TENM4: variants seen among roughly 807,000 people sequenced by gnomAD.
TENM4 encodes the protein teneurin transmembrane protein 4.
In TENM4, 82 loss-of-function variants were observed where a neutral mutation model predicts 243.3. The ratio of observed to expected loss-of-function variants is 0.34; its 90% CI spans 0.28 to 0.40. The LOEUF is 0.40. TENM4 is among the 10% of genes least tolerant of loss of function. The pLI, the probability that TENM4 is intolerant of heterozygous loss-of-function variation, is 1.00. For synonymous variants in TENM4, 1,412 were observed against 1,456.3 expected (o/e 0.97, Z 0.69); for missense variants, 3,138 against 3,673.3 (o/e 0.85, Z 3.77).
chr11:78,873,924 T>A (rs1431664676), intron 9 of TENM4, among the ~76,000 whole-genome samples: 1 of 151,990 alleles, frequency 6.6e-6, no homozygotes, highest in Non-Finnish European at 1.5e-5. Flanking sequence ...CACCACCTTC[T>A]CTATTAAGAA....
At chr11:79,310,512 C>T (rs767248545) in intron 1 of TENM4, among the ~76,000 whole-genome samples, 9 of 152,292 alleles carry the variant, frequency 5.9e-5, no homozygotes, top group African/African-American at 1.2e-4. Context: ...GAAGAAGATA[C>T]GATACACCTA....
chr11:79,140,816 A>C (rs759725571), intron 4 of TENM4, among the ~76,000 whole-genome samples: 26 of 152,104 alleles, frequency 1.7e-4, no homozygotes, highest in Non-Finnish European at 2.8e-4. Flanking sequence ...ACAAATGAAA[A>C]CAGGATTTAG....
chr11:78,880,357 T>C (rs1347188345), intron 9 of TENM4, among the ~76,000 whole-genome samples: 1 of 150,706 alleles, frequency 6.6e-6, no homozygotes, highest in African/African-American at 2.5e-5. Context: ...ATCAGAGACC[T>C]TTGTTCACAT....
intron 4 of TENM4, among the ~76,000 whole-genome samples, chr11:79,125,820 CCT>C (rs1283428504): frequency 6.6e-6 from 1 of 152,136 alleles, no homozygotes; most frequent in African/African-American, 2.4e-5. Context: ...CCCCAACACC[CCT>C]GTTTGCTTCT....
intron 1 of TENM4, among the ~76,000 whole-genome samples, chr11:79,310,094 G>T (rs771042341): frequency 7.2e-5 from 11 of 152,182 alleles, no homozygotes; most frequent in South Asian, 4.1e-4. Context: ...CCCTGACGCA[G>T]GGTCCTGCCT....
chr11:79,340,842 C>T (rs1590892358), intron 1 of TENM4, among the ~76,000 whole-genome samples: 1 of 151,384 alleles, frequency 6.6e-6, no homozygotes, highest in Admixed American at 6.6e-5. Flanking sequence ...GCCTCCCCAC[C>T]AACAAAAAAA....
chr11:78,842,111 A>C (rs1476144511), intron 12 of TENM4, among the ~76,000 whole-genome samples: 1 of 152,168 alleles, frequency 6.6e-6, no homozygotes, highest in Non-Finnish European at 1.5e-5. Context: ...CTCCAAGTCA[A>C]GACCTACTTA....
At chr11:79,051,563 TG>T (rs1196655843) in intron 6 of TENM4, among the ~76,000 whole-genome samples, 1 of 152,246 alleles carries the variant, frequency 6.6e-6, no homozygotes, top group Non-Finnish European at 1.5e-5. Context: ...TGGATAGCCC[TG>T]GGTTAGCTAT....
intron 6 of TENM4, among the ~76,000 whole-genome samples, chr11:79,008,798 G>A (rs1274787540): frequency 6.6e-6 from 1 of 152,172 alleles, no homozygotes; most frequent in South Asian, 2.1e-4. Context: ...GGGGCCAAGG[G>A]ATGGACATAT....
chr11:79,427,909 A>G (rs1412613119), intron 1 of TENM4, among the ~76,000 whole-genome samples: 1 of 152,192 alleles, frequency 6.6e-6, no homozygotes, highest in African/African-American at 2.4e-5. Flanking sequence ...TACTCTGTCT[A>G]CTTCACACTA....
intron 6 of TENM4, among the ~76,000 whole-genome samples, chr11:79,031,792 T>C (rs1859245685): frequency 1.3e-5 from 2 of 152,220 alleles, no homozygotes; most frequent in South Asian, 4.1e-4. Context: ...ACTTTCATGC[T>C]AGGGCATTGG....
intron 27 of TENM4, among the ~76,000 whole-genome samples, chr11:78,706,265 C>T (rs978574365): frequency 6.6e-6 from 1 of 152,138 alleles, no homozygotes; most frequent in African/African-American, 2.4e-5. Flanking sequence ...CGGTGGTGGC[C>T]ATCTCCACTT....
intron 2 of TENM4, among the ~76,000 whole-genome samples, chr11:79,281,345 A>G (rs1467171726): frequency 6.6e-6 from 1 of 152,210 alleles, no homozygotes. Context: ...TTGGGCTTTG[A>G]ACCCAGGTCT....
At chr11:79,219,354 G>A (rs956351761) in intron 2 of TENM4, among the ~76,000 whole-genome samples, 2 of 152,218 alleles carry the variant, frequency 1.3e-5, no homozygotes, top group African/African-American at 4.8e-5. Flanking sequence ...GAGCCTCTGA[G>A]TGCTGTTGAG....
At chr11:79,111,517 T>C (rs763736409) in intron 4 of TENM4, among the ~76,000 whole-genome samples, 21 of 152,044 alleles carry the variant, frequency 1.4e-4, no homozygotes, top group African/African-American at 3.4e-4. Context: ...TGCACTCCAG[T>C]CTGGGCAACA....
intron 4 of TENM4, among the ~76,000 whole-genome samples, chr11:79,083,793 T>C (rs1158616395): frequency 6.6e-6 from 1 of 152,134 alleles, no homozygotes; most frequent in Non-Finnish European, 1.5e-5. Flanking sequence ...ACACAGGCTT[T>C]ACATCAAAGG....
chr11:79,372,959 G>C (rs1281263030), intron 1 of TENM4, among the ~76,000 whole-genome samples: 1 of 152,130 alleles, frequency 6.6e-6, no homozygotes, highest in Non-Finnish European at 1.5e-5. Flanking sequence ...CCAATAAAGT[G>C]TATTATTGGA....
At chr11:79,390,117 A>G (rs962298637) in intron 1 of TENM4, among the ~76,000 whole-genome samples, 3 of 152,152 alleles carry the variant, frequency 2.0e-5, no homozygotes, top group African/African-American at 4.8e-5. Flanking sequence ...AGAGCAGTGG[A>G]ATGAAGGTGG....
chr11:78,858,218 C>A lies in TENM4; in HGVS notation c.1256-2040G>T, dbSNP rs567140828. Among the ~76,000 whole-genome samples, 232 of 152,200 alleles carry A rather than the reference C, an allele frequency of 1.5e-3. 1 individual carries two copies. Among genetic ancestry groups the A allele is most frequent in the Non-Finnish European group, 2.5e-3 (170 of 68,018 alleles). On this transcript the variant is annotated intron_variant, in intron 10 of 33. Coordinates refer to ENST00000278550, the MANE Select transcript of TENM4 (RefSeq NM_001098816.3). ...TGACTGTATCAGCTAGGTTTTGCAG[C>A]CTTATAAGTCAGAGGTCTGCAGGCC...
Sources: allele counts gnomAD v4.1 joint callset (sites outside exome capture counted in the v4.1 genomes callset), GRCh38; gene constraint gnomAD v4.1.1; transcripts MANE v1.5; gene names NCBI Gene and HGNC (gene_info 2026-07-23, HGNC 2026-07-21).